TMEM108: variants seen among roughly 807,000 people sequenced by gnomAD.
The protein encoded by TMEM108 is cancer/testis antigen 124.
Under a neutral mutation model 35.1 loss-of-function variants are expected in TMEM108, and 12 were observed. That is an observed-to-expected ratio of 0.34 (90% confidence interval 0.22 to 0.55). The LOEUF is 0.55. Ranked by LOEUF, TMEM108 falls within the 20% of genes least tolerant of loss-of-function variation. The pLI is 0.89. For missense variants in TMEM108, 680 were observed against 753.3 expected, an observed-to-expected ratio of 0.90 and a Z score of 1.14; for synonymous variants, 287 against 308.6, an observed-to-expected ratio of 0.93 and a Z score of 0.73.
chr3:133,287,589 T>G (rs1947003500), intron 3 of TMEM108, among the ~76,000 whole-genome samples: 1 of 152,162 alleles, frequency 6.6e-6, no homozygotes, highest in Non-Finnish European at 1.5e-5. Context: ...TAGATAGAAA[T>G]TACAATATAA....
chr3:133,269,237 A>G (rs780293051), intron 3 of TMEM108, among the ~76,000 whole-genome samples: 15 of 152,324 alleles, frequency 9.8e-5, no homozygotes, highest in Middle Eastern at 3.4e-3. Context: ...AGAAATAGAG[A>G]AAGAGGGGGA....
intron 3 of TMEM108, among the ~76,000 whole-genome samples, chr3:133,287,168 C>T (rs549184287): frequency 6.6e-6 from 1 of 152,168 alleles, no homozygotes; most frequent in Admixed American, 6.6e-5. Context: ...TAATAACTCA[C>T]CTGCTCCAGA....
At chr3:133,181,032 A>AAAAAAAAAAAAAAAG (rs1945335111) in intron 2 of TMEM108, among the ~76,000 whole-genome samples, 1 of 142,356 alleles carries the variant, frequency 7.0e-6, no homozygotes, top group Non-Finnish European at 1.6e-5. Flanking sequence ...AAAAAAAAAA[A>AAAAAAAAAAAAAAAG]AAAAAACAGC....
At chr3:133,178,866 A>T (rs1945282901) in intron 2 of TMEM108, among the ~76,000 whole-genome samples, 2 of 152,194 alleles carry the variant, frequency 1.3e-5, no homozygotes, top group Admixed American at 1.3e-4. Flanking sequence ...ATCAGAGTGA[A>T]CAGGCAACCT....
intron 2 of TMEM108, among the ~76,000 whole-genome samples, chr3:133,190,927 T>A (rs1329125244): frequency 6.6e-6 from 1 of 152,188 alleles, no homozygotes; most frequent in Non-Finnish European, 1.5e-5. Context: ...TTCAAGATAT[T>A]CTTTAGCCAT....
At chr3:133,385,219 G>A (rs1248595019) in intron 4 of TMEM108, among the ~76,000 whole-genome samples, 1 of 152,202 alleles carries the variant, frequency 6.6e-6, no homozygotes, top group Middle Eastern at 3.2e-3. Context: ...AAGGCATTAT[G>A]GCTGGGAAAC....
At chr3:133,283,193 G>T (rs930211063) in intron 3 of TMEM108, among the ~76,000 whole-genome samples, 2 of 152,154 alleles carry the variant, frequency 1.3e-5, no homozygotes, top group South Asian at 2.1e-4. Flanking sequence ...GAGTGAGGTG[G>T]CGGTGGTTTA....
intron 2 of TMEM108, among the ~76,000 whole-genome samples, chr3:133,083,807 G>A (rs1943845700): frequency 6.6e-6 from 1 of 152,030 alleles, no homozygotes; most frequent in Non-Finnish European, 1.5e-5. Flanking sequence ...GGGGGTGAAG[G>A]TGATTCTGTT....
chr3:133,150,615 A>G (rs972452900), intron 2 of TMEM108, among the ~76,000 whole-genome samples: 5 of 152,082 alleles, frequency 3.3e-5, no homozygotes, highest in Admixed American at 2.0e-4. Flanking sequence ...ATCTACTTGA[A>G]TAGTAAGAAT....
At chr3:133,261,796 A>G (rs1946628784) in intron 3 of TMEM108, among the ~76,000 whole-genome samples, 2 of 152,298 alleles carry the variant, frequency 1.3e-5, no homozygotes, top group African/African-American at 2.4e-5. Context: ...AAGGTTTTCT[A>G]TGGTATTTTA....
chr3:133,091,913 G>T (rs188464979), intron 2 of TMEM108, among the ~76,000 whole-genome samples: 209 of 152,206 alleles, frequency 1.4e-3, no homozygotes, highest in Admixed American at 0.012. Flanking sequence ...AATGTATCAT[G>T]ATTGTTTTGA....
chr3:133,038,670 GCCCTGC>G (rs1943236050), intron 1 of TMEM108, among the ~76,000 whole-genome samples: 1 of 152,230 alleles, frequency 6.6e-6, no homozygotes, highest in Admixed American at 6.5e-5. Context: ...CCACCTGGCA[GCCCTGC>G]CTCCGCCTTT....
chr3:133,347,711 T>C (rs898434299), intron 3 of TMEM108, among the ~76,000 whole-genome samples: 1 of 152,138 alleles, frequency 6.6e-6, no homozygotes, highest in Non-Finnish European at 1.5e-5. Flanking sequence ...TTGTTCTTTA[T>C]CTATATGTAA....
At chr3:133,371,086 A>G (rs2072654189) in intron 3 of TMEM108, among the ~76,000 whole-genome samples, 1 of 152,176 alleles carries the variant, frequency 6.6e-6, no homozygotes, top group African/African-American at 2.4e-5. Flanking sequence ...AGGAAACCCA[A>G]GTTAAAATCA....
intron 2 of TMEM108, among the ~76,000 whole-genome samples, chr3:133,112,314 C>A (rs1416886511): frequency 6.6e-6 from 1 of 152,082 alleles, no homozygotes; most frequent in African/African-American, 2.4e-5. Context: ...ACCCTTACTC[C>A]ATTCCCCTAT....
chr3:133,146,529 A>G (rs933604168), intron 2 of TMEM108, among the ~76,000 whole-genome samples: 1 of 152,184 alleles, frequency 6.6e-6, no homozygotes, highest in Non-Finnish European at 1.5e-5. Context: ...AAATAGTTTC[A>G]GAAGGAACGG....
chr3:133,390,453 A>C, intron 5 of TMEM108, 119 bp downstream of exon 5: 1 of 1,140,700 alleles, frequency 8.8e-7, no homozygotes, highest in South Asian at 1.5e-5. Context: ...GACCAGCAGT[A>C]TCAATAACAC....
intron 3 of TMEM108, among the ~76,000 whole-genome samples, chr3:133,306,031 G>C (rs1302541595): frequency 6.6e-6 from 1 of 151,962 alleles, no homozygotes; most frequent in Non-Finnish European, 1.5e-5. Flanking sequence ...TTCTCCTGTG[G>C]CTTATATTTT....
At chr3:133,043,346 T>C (rs1203079121) in intron 1 of TMEM108, among the ~76,000 whole-genome samples, 6 of 152,184 alleles carry the variant, frequency 3.9e-5, no homozygotes, top group Non-Finnish European at 7.4e-5. Flanking sequence ...AGTTCTTGTC[T>C]GAGGAGCTAA....
Sources: gnomAD v4.1 joint callset for allele counts (sites outside exome capture counted in the v4.1 genomes callset) on GRCh38, gnomAD v4.1.1 for gene constraint, MANE v1.5 for transcripts, NCBI Gene and HGNC (gene_info 2026-07-23, HGNC 2026-07-21) for gene names.